The following PTCD1 variants were observed in gnomAD, a reference collection of about 807,000 sequenced individuals.
The protein encoded by PTCD1 is pentatricopeptide repeat-containing protein 1, mitochondrial.
PTCD1 carries 50 observed loss-of-function variants against 53.4 expected under a neutral mutation model. That is an observed-to-expected ratio of 0.94 (90% CI 0.75 to 1.19). The LOEUF (loss-of-function observed/expected upper bound fraction) is 1.19, where lower values mean the gene tolerates loss of function less well. PTCD1 is among the 50% of genes most tolerant of loss of function. The pLI, the probability that PTCD1 is intolerant of heterozygous loss-of-function variation, is 0.00. For missense variants in PTCD1, 918 were observed against 904.8 expected (o/e 1.01, Z -0.19); for synonymous variants, 413 against 394.8 (o/e 1.05, Z -0.55).
At chr7:99,424,394 G>A (rs534577303) in intron 6 of PTCD1, among the ~76,000 whole-genome samples, 178 of 152,328 alleles carry the variant, frequency 1.2e-3, no homozygotes, top group African/African-American at 4.1e-3. Context: ...TGCTGTGGTC[G>A]GATGAAATCC....
chr7:99,436,132 C>T lies in PTCD1; in HGVS notation c.-26-864G>A, dbSNP rs73397486. On this transcript the variant is annotated intron_variant, in intron 1 of 7. Transcript: ENST00000292478. The stretch of plus-strand genomic sequence containing the variant: ...GGCTAATTTTATTTTTTGGTAGAGA[C>T]AGGGTCTTGCTATGTGCCCAGGCTG... 6.3e-3 allele frequency among the ~76,000 whole-genome samples: 952 copies of T among 152,008 alleles called. 13 individuals are homozygous for T. Among genetic ancestry groups the T allele is most frequent in the African/African-American group, 0.022 (911 of 41,438 alleles).
intron 3 of PTCD1, among the ~76,000 whole-genome samples, chr7:99,431,613 C>T (rs746250201): frequency 1.3e-5 from 2 of 152,024 alleles, no homozygotes; most frequent in African/African-American, 2.4e-5. Flanking sequence ...GTGGCATGTG[C>T]GCCTGTAGTC....
At chr7:99,420,174 A>T in intron 7 of PTCD1, 25 bp from the exon 8 acceptor site, 1 of 1,613,778 alleles carries the variant, frequency 6.2e-7, no homozygotes, top group Admixed American at 1.7e-5. Flanking sequence ...GTGAGGCTAG[A>T]ATCACTCCTG....
Position 99,429,115 on chromosome 7 carries a change from C to A in PTCD1, c.903G>T (p.Arg301=), listed in dbSNP as rs941086151. The change falls in exon 5 of 8, where the codon CGG becomes CGT. Residue 301 remains arginine (R), a synonymous_variant. Transcript: ENST00000292478. ...GGGAGGGACATACCTGGAGGGCGTA[C>A]CGGAAGCCTGTCTTCTTGTCTTGGA... ...GCIQDKKTGF[R]YALQVWRLML... is the part of the protein sequence containing the mutation. 1 of 1,614,146 alleles carries A rather than the reference C, an allele frequency of 6.2e-7. No homozygotes were observed. The highest frequency in any genetic ancestry group is 2.2e-5 in the East Asian group (1 of 44,884).
chr7:99,438,431 C>T, intron 1 of PTCD1: 1 of 866,194 alleles, frequency 1.2e-6, no homozygotes, highest in Non-Finnish European at 1.4e-6. Flanking sequence ...TACCCCTGTA[C>T]TCCAGCCTGG....
At chr7:99,420,236 C>G (rs1341937584) in intron 7 of PTCD1, 87 bp from the exon 8 acceptor site, 5 of 1,583,454 alleles carry the variant, frequency 3.2e-6, no homozygotes. Context: ...CTCAGGGAAG[C>G]TGGTGGCTGC....
chr7:99,426,251 C>T (rs1047061124), intron 5 of PTCD1, among the ~76,000 whole-genome samples: 2 of 152,016 alleles, frequency 1.3e-5, no homozygotes, highest in Non-Finnish European at 2.9e-5. Flanking sequence ...TGAAGCTGGA[C>T]TGTAACTGCT....
At position 99,418,303 on chromosome 7, in the gene PTCD1, T is replaced by C. The variant is rs2150939737; in HGVS notation, c.*1664A>G. On this transcript the variant is annotated 3_prime_UTR_variant, in exon 8 of 8. Transcript: ENST00000292478. Reference sequence around the variant, plus strand: ...TTCTTTCAGAACTTTCTGTTCCAAGTACCACTCCTAGGCCAGGCGCCTCAG... The same window carrying C: ...TTCTTTCAGAACTTTCTGTTCCAAGCACCACTCCTAGGCCAGGCGCCTCAG... 6.1e-6 allele frequency: 1 copy of C among 162,728 alleles called. No homozygotes were observed. The highest frequency in any genetic ancestry group is 1.4e-5 in the Non-Finnish European group (1 of 73,544). The allele number at this position is 162,728 out of a possible 1,614,324, so 10.1% of individuals were successfully genotyped here. A position where few individuals can be genotyped will look rare whatever the true frequency, so the allele number is the denominator to read the frequency against.
chr7:99,419,842 T>A lies in PTCD1; in HGVS notation c.*125A>T. 6.6e-7 allele frequency: 1 copy of A among 1,521,560 alleles called. No individual in the cohort carries two copies. The highest frequency in any genetic ancestry group is 8.9e-7 in the Non-Finnish European group (1 of 1,118,480). 94.3% of individuals were successfully genotyped at this position (1,521,560 alleles called of 1,614,324 possible). On this transcript the variant is annotated 3_prime_UTR_variant, in exon 8 of 8. Coordinates refer to ENST00000292478, the MANE Select transcript of PTCD1 (RefSeq NM_015545.4). Reference sequence around the variant, plus strand: ...TAGTGTGTGTCCTCACCAACACCTGTGACACGCTGCGGCTGTTCCTCAGGG... The same window carrying A: ...TAGTGTGTGTCCTCACCAACACCTGAGACACGCTGCGGCTGTTCCTCAGGG...
Position 99,420,096 on chromosome 7 carries a change from G to GT in PTCD1, c.1973dup (p.Tyr658Ter). The change falls in exon 8 of 8, where the codon TAC becomes TAAC. Residue 658 changes from tyrosine to a stop codon, truncating the protein, a stop_gained and frameshift_variant. Transcript: ENST00000292478. LOFTEE classifies it low-confidence loss of function (END_TRUNC). ...CGGGCATCACTGTCAGCCACTGCTTGTAATAGGCTCGGAAGCCGTCAATCT... is the reference window on the plus strand; with the variant it reads ...CGGGCATCACTGTCAGCCACTGCTTGTTAATAGGCTCGGAAGCCGTCAATCT... ...LEKIDGFRAY[Y>*]KQWLTVMPAE... 1.2e-6 allele frequency: 2 copies of GT among 1,614,222 alleles called. No individual in the cohort carries two copies. Among genetic ancestry groups the GT allele is most frequent in the East Asian group, 4.5e-5 (2 of 44,888 alleles).
At position 99,425,201 on chromosome 7, in the gene PTCD1, G is replaced by C; in HGVS notation, c.1331C>G (p.Thr444Ser). The change falls in exon 6 of 8, where the codon ACC becomes AGC. Residue 444 changes from threonine (T) to serine (S), a missense_variant. Coordinates refer to ENST00000292478, the MANE Select transcript of PTCD1 (RefSeq NM_015545.4). ...PPVELEVNLL[T>S]PGAVPPTVVS... ...CACTGTAGGGGGAACGGCCCCGGGG[G>C]TCAGGAGGTTGACTTCCAGCTCCAC... 6.2e-7 allele frequency: 1 copy of C among 1,612,634 alleles called. No homozygotes were observed. Among genetic ancestry groups the C allele is most frequent in the African/African-American group, 1.3e-5 (1 of 75,016 alleles).
At position 99,417,209 on chromosome 7, in the gene PTCD1, C is replaced by T. The variant is rs759958064; in HGVS notation, c.*2758G>A. The T allele has an allele frequency of 2.5e-5, 11 of 446,082 alleles. No individual in the cohort carries two copies. The highest frequency in any genetic ancestry group is 1.4e-4 in the East Asian group (3 of 21,356). 27.6% of individuals were successfully genotyped at this position (446,082 alleles called of 1,614,324 possible). A position where few individuals can be genotyped will look rare whatever the true frequency, so the allele number is the denominator to read the frequency against. ...GTAGCTGGGATTACAGCTGCTACCA[C>T]GCCCGAGTAATTTTTGTATTTTTAG... is the stretch of plus-strand genomic sequence containing the variant. On this transcript the variant is annotated 3_prime_UTR_variant, in exon 8 of 8. Transcript: ENST00000292478.
chr7:99,429,106 G>C lies in PTCD1; in HGVS notation c.912C>G (p.Leu304=), dbSNP rs145752109. Reference sequence around the variant, plus strand: ...AGGTGGGGTGGGAGGGACATACCTGGAGGGCGTACCGGAAGCCTGTCTTCT... The same window carrying C: ...AGGTGGGGTGGGAGGGACATACCTGCAGGGCGTACCGGAAGCCTGTCTTCT... ...QDKKTGFRYA[L]QVWRLMLSLG... Residue 304 remains leucine, a synonymous_variant, in exon 5 of 8, where the codon CTC becomes CTG. Coordinates refer to ENST00000292478, the MANE Select transcript of PTCD1 (RefSeq NM_015545.4). 2,844 of 1,614,164 alleles carry C rather than the reference G, an allele frequency of 1.8e-3. 26 individuals carry two copies. In the African/African-American group the frequency reaches 0.019, roughly 11 times the overall value.
Position 99,417,089 on chromosome 7 carries a change from C to T in PTCD1, c.*2878G>A, listed in dbSNP as rs539326898. On this transcript the variant is annotated 3_prime_UTR_variant, in exon 8 of 8. Transcript: ENST00000292478. ...CCTTTTTTTTTTTGAGATGGAGTTT[C>T]GCTGTCACCCAGGCTGGAGTCCAGT... 464 of 218,198 alleles carry T rather than the reference C, an allele frequency of 2.1e-3. No homozygotes were observed. The highest frequency in any genetic ancestry group is 2.9e-3 in the Non-Finnish European group (312 of 108,450). 13.5% of individuals were successfully genotyped at this position (218,198 alleles called of 1,614,324 possible).
In PTCD1 at chr7:99,419,568, G is replaced by T; in HGVS notation, c.*399C>A. The T allele has an allele frequency of 9.5e-7, 1 of 1,051,728 alleles. No individual in the cohort carries two copies. Among genetic ancestry groups the T allele is most frequent in the East Asian group, 2.4e-5 (1 of 41,596 alleles). 65.1% of individuals were successfully genotyped at this position (1,051,728 alleles called of 1,614,324 possible). On this transcript the variant is annotated 3_prime_UTR_variant, in exon 8 of 8. Transcript: ENST00000292478. The stretch of plus-strand genomic sequence containing the variant: ...GCACGGTCTCTATGGGGAAGGCTTC[G>T]CTGTCTATCAGCTGTGATTTGTAAA...
chr7:99,423,227 T>C (rs190308456), intron 7 of PTCD1, among the ~76,000 whole-genome samples: 1 of 152,240 alleles, frequency 6.6e-6, no homozygotes, highest in African/African-American at 2.4e-5. Context: ...GACAACCTGT[T>C]TGGAGTACCC....
At chr7:99,427,262 A>C (rs1562842542) in intron 5 of PTCD1, among the ~76,000 whole-genome samples, 1 of 138,232 alleles carries the variant, frequency 7.2e-6, no homozygotes, top group Non-Finnish European at 1.5e-5. Flanking sequence ...CTGGGAAGTG[A>C]GGAGCCCCTC....
Position 99,429,803 on chromosome 7 carries a change from T to C in PTCD1, c.598A>G (p.Lys200Glu). Residue 200 changes from lysine (K) to glutamate (E), a missense_variant, in exon 4 of 8, where the codon AAA (lysine) becomes GAA (glutamate). Transcript: ENST00000292478. ...TCCGAGGGCTCCAGGTCCCGCTTTT[T>C]CATCTGTGGAGATGGAAGAAGCTCA... is the stretch of plus-strand genomic sequence containing the variant. ...KKAFNLYNQM[K>E]KRDLEPSDAT... 1.2e-6 allele frequency: 2 copies of C among 1,614,034 alleles called. No individual in the cohort carries two copies. The highest frequency in any genetic ancestry group is 1.7e-6 in the Non-Finnish European group (2 of 1,180,028).
chr7:99,433,541 C>T, intron 2 of PTCD1, 123 bp from the exon 3 acceptor site: 1 of 1,572,048 alleles, frequency 6.4e-7, no homozygotes, highest in South Asian at 1.1e-5. Context: ...TGGGTGACTG[C>T]AAACCCCCTG....
Sources: gnomAD v4.1 joint callset for allele counts (sites outside exome capture counted in the v4.1 genomes callset) on GRCh38, gnomAD v4.1.1 for gene constraint, MANE v1.5 for transcripts, NCBI Gene and HGNC (gene_info 2026-07-23, HGNC 2026-07-21) for gene names.